The following PTK2 variants were observed in gnomAD, a reference collection of about 807,000 sequenced individuals.
The protein encoded by PTK2 is focal adhesion kinase 1.
Under a neutral mutation model 150.1 loss-of-function variants are expected in PTK2, and 45 were observed. That is an observed-to-expected ratio of 0.30 (90% CI 0.24 to 0.38). PTK2 has a LOEUF of 0.38. Ranked by LOEUF, PTK2 falls within the 10% of genes least tolerant of loss-of-function variation. The pLI is 1.00. For missense variants in PTK2, 919 were observed against 1,307.3 expected, an observed-to-expected ratio of 0.70 and a Z score of 4.58; for synonymous variants, 432 against 449.2, an observed-to-expected ratio of 0.96 and a Z score of 0.48.
chr8:140,716,867 T>C (rs2100039972), intron 23 of PTK2, among the ~76,000 whole-genome samples: 1 of 152,120 alleles, frequency 6.6e-6, no homozygotes, highest in African/African-American at 2.4e-5. Flanking sequence ...ACCCAGTGTG[T>C]GAAAATAGCA....
chr8:140,738,512 T>A (rs756379196), intron 21 of PTK2, among the ~76,000 whole-genome samples: 1 of 151,922 alleles, frequency 6.6e-6, no homozygotes, highest in Non-Finnish European at 1.5e-5. Flanking sequence ...CAAATGAGAT[T>A]ATCAAAAAAG....
intron 21 of PTK2, among the ~76,000 whole-genome samples, chr8:140,736,377 G>A (rs1186044369): frequency 1.3e-5 from 2 of 152,112 alleles, no homozygotes; most frequent in Non-Finnish European, 2.9e-5. Context: ...AAAACAGCAG[G>A]GAGGGAAGGA....
chr8:140,977,220 T>G (rs534088157), intron 1 of PTK2, among the ~76,000 whole-genome samples: 1 of 152,066 alleles, frequency 6.6e-6, no homozygotes, highest in Non-Finnish European at 1.5e-5. Context: ...TGGGACCCTA[T>G]CTCTAAAGAA....
chr8:140,840,067 A>C (rs2100121376), intron 7 of PTK2, among the ~76,000 whole-genome samples: 1 of 152,184 alleles, frequency 6.6e-6, no homozygotes, highest in African/African-American at 2.4e-5. Flanking sequence ...AGATACAAAA[A>C]TGGTTATTTT....
At chr8:140,805,430 G>A (rs1431375624) in intron 10 of PTK2, among the ~76,000 whole-genome samples, 1 of 151,898 alleles carries the variant, frequency 6.6e-6, no homozygotes, top group African/African-American at 2.4e-5. Context: ...ATGGTGGCAT[G>A]TGCCTGTAAT....
intron 1 of PTK2, among the ~76,000 whole-genome samples, chr8:140,952,113 TATTC>T (rs1343339409): frequency 6.6e-6 from 1 of 152,170 alleles, no homozygotes; most frequent in East Asian, 1.9e-4. Context: ...TTACAGTTGG[TATTC>T]TTTCTTTTGC....
Position 140,830,597 on chromosome 8 carries a change from C to T in PTK2, c.594-71G>A, listed in dbSNP as rs1429221272. ...AATTAATATGACAAACTTGCAAGAA[C>T]ATAAAAGCACTGTAAATTATTTATC... On this transcript the variant is annotated intron_variant, in intron 7 of 31. Coordinates refer to ENST00000522684, the Ensembl canonical transcript of PTK2. 8.1e-6 allele frequency: 7 copies of T among 868,320 alleles called. No individual in the cohort carries two copies. In the African/African-American group the frequency reaches 8.8e-5, roughly 11 times the overall value. 53.8% of individuals were successfully genotyped at this position (868,320 alleles called of 1,614,324 possible).
intron 8 of PTK2, among the ~76,000 whole-genome samples, chr8:140,827,759 T>C (rs1173866633): frequency 6.6e-6 from 1 of 152,198 alleles, no homozygotes. Context: ...CCAGGTACAA[T>C]GTCAAACAAA....
chr8:140,907,941 G>A (rs1242540548), intron 2 of PTK2, among the ~76,000 whole-genome samples: 1 of 152,070 alleles, frequency 6.6e-6, no homozygotes, highest in Non-Finnish European at 1.5e-5. Context: ...TGGCCTCTAA[G>A]CGTTCAAGTG....
chr8:140,752,371 A>G, intron 16 of PTK2, 55 bp from the exon 20 acceptor site: 1 of 1,509,834 alleles, frequency 6.6e-7, no homozygotes, highest in East Asian at 2.3e-5. Flanking sequence ...TTGCTATATT[A>G]ATTGATTCAT....
intron 10 of PTK2, among the ~76,000 whole-genome samples, chr8:140,806,232 C>T (rs149361622): frequency 2.2e-4 from 34 of 152,262 alleles, no homozygotes; most frequent in Non-Finnish European, 2.4e-4. Context: ...GCAACTTACG[C>T]GTAATGCAAG....
intron 29 of PTK2, among the ~76,000 whole-genome samples, chr8:140,670,479 A>C (rs555649518): frequency 0.052 from 3,119 of 59,668 alleles, 380 homozygotes; most frequent in African/African-American, 0.16. Flanking sequence ...AAAAAAAAAA[A>C]AAAACAACAA....
intron 4 of PTK2, among the ~76,000 whole-genome samples, chr8:140,876,640 T>C (rs974537927): frequency 1.3e-5 from 2 of 152,222 alleles, no homozygotes; most frequent in African/African-American, 4.8e-5. Context: ...CATTCTTTTT[T>C]ATTCTATTCT....
At chr8:140,729,806 C>T (rs1189535931) in intron 22 of PTK2, among the ~76,000 whole-genome samples, 1 of 152,214 alleles carries the variant, frequency 6.6e-6, no homozygotes, top group Non-Finnish European at 1.5e-5. Flanking sequence ...ATAGCTCAAG[C>T]TCTGGACTCA....
At chr8:140,674,356 T>G (rs1468189389) in exon 29 of PTK2, 2 of 1,607,834 alleles carry the variant, frequency 1.2e-6, no homozygotes, top group Non-Finnish European at 1.7e-6. Flanking sequence ...GCTTCCCAGA[T>G]GACCGGGAGC....
chr8:140,873,606 C>G (rs931533686), intron 4 of PTK2, among the ~76,000 whole-genome samples: 1 of 152,174 alleles, frequency 6.6e-6, no homozygotes, highest in Non-Finnish European at 1.5e-5. Context: ...GCTGGGATTA[C>G]AGACGTCCGC....
chr8:140,679,471 G>T (rs1685201238), intron 27 of PTK2, among the ~76,000 whole-genome samples: 1 of 152,158 alleles, frequency 6.6e-6, no homozygotes, highest in Non-Finnish European at 1.5e-5. Context: ...ACCTGCTCGG[G>T]TACTCAGGTA....
intron 1 of PTK2, among the ~76,000 whole-genome samples, chr8:140,999,885 C>T (rs2100199318): frequency 6.6e-6 from 1 of 152,064 alleles, no homozygotes; most frequent in African/African-American, 2.4e-5. Context: ...CTTGCACTGC[C>T]TTCAGCTTTC....
At chr8:140,698,572 A>T (rs188722409) in intron 26 of PTK2, among the ~76,000 whole-genome samples, 2 of 151,384 alleles carry the variant, frequency 1.3e-5, no homozygotes, top group African/African-American at 4.9e-5. Context: ...TCATGCCTCA[A>T]CCTCCTGAAT....
Sources: allele counts gnomAD v4.1 joint callset (sites outside exome capture counted in the v4.1 genomes callset), GRCh38; gene constraint gnomAD v4.1.1; transcripts MANE v1.5; gene names NCBI Gene and HGNC (gene_info 2026-07-23, HGNC 2026-07-21).